Variants in EYS observed in about 807,000 individuals in gnomAD.
EYS encodes EGF-like photoreceptor maintenance factor.
Under a neutral mutation model 282.1 loss-of-function variants are expected in EYS, and 250 were observed. The observed-to-expected ratio is 0.89, with a 90% confidence interval of 0.80 to 0.98. EYS has a LOEUF of 0.98. Among genes scored for constraint, EYS ranks in the 50% least tolerant of loss-of-function variants. The probability of loss-of-function intolerance (pLI) is 0.00; values close to 1 mark genes in which losing one functional copy is unlikely to be tolerated. For synonymous variants in EYS, 1,355 were observed against 1,282.9 expected, an observed-to-expected ratio of 1.06 and a Z score of -1.20; for missense variants, 4,016 against 3,709.0, an observed-to-expected ratio of 1.08 and a Z score of -2.15.
chr6:64,830,634 G>A (rs1253896473), intron 19 of EYS, among the ~76,000 whole-genome samples: 1 of 151,848 alleles, frequency 6.6e-6, no homozygotes, highest in African/African-American at 2.4e-5. Flanking sequence ...GATCAACTTT[G>A]GTGACAGAAA....
rs187604300 is a variant in EYS, at chr6:65,655,290, T to A, written c.-447-15398A>T. Among the ~76,000 whole-genome samples the A allele has an allele frequency of 1.5e-3, 231 of 151,762 alleles. 1 individual carries two copies. Among genetic ancestry groups the A allele is most frequent in the African/African-American group, 5.5e-3 (230 of 41,478 alleles). ...TCACCACTTAAGTGTGAGATGCATA[T>A]AGTGACTTCCTTCTAAAGAATATAG... On this transcript the variant is annotated intron_variant, in intron 1 of 42. Transcript: ENST00000503581.
chr6:64,005,481 T>C (rs188285354), intron 33 of EYS, among the ~76,000 whole-genome samples: 1 of 152,244 alleles, frequency 6.6e-6, no homozygotes, highest in Admixed American at 6.5e-5. Flanking sequence ...AATTAGGTCT[T>C]ATTTGTCAAG....
At chr6:64,065,162 C>T (rs1771319825) in intron 33 of EYS, among the ~76,000 whole-genome samples, 1 of 152,072 alleles carries the variant, frequency 6.6e-6, no homozygotes, top group African/African-American at 2.4e-5. Flanking sequence ...CCATCTCTGC[C>T]TGTAAGAAGT....
intron 36 of EYS, among the ~76,000 whole-genome samples, chr6:63,861,506 G>C (rs562458629): frequency 2.0e-5 from 3 of 152,258 alleles, no homozygotes; most frequent in Middle Eastern, 3.4e-3. Flanking sequence ...GTTTCCTAAG[G>C]CATCTGGAAA....
At chr6:64,342,366 C>G (rs749050747) in intron 29 of EYS, among the ~76,000 whole-genome samples, 10 of 151,876 alleles carry the variant, frequency 6.6e-5, no homozygotes, top group Non-Finnish European at 1.2e-4. Flanking sequence ...CAGCTGATCT[C>G]TCCACAGAAA....
At chr6:64,885,790 C>G (rs1450360739) in intron 19 of EYS, among the ~76,000 whole-genome samples, 1 of 151,734 alleles carries the variant, frequency 6.6e-6, no homozygotes, top group Non-Finnish European at 1.5e-5. Context: ...ACGTAACTTT[C>G]TCTCACCTTT....
intron 19 of EYS, among the ~76,000 whole-genome samples, chr6:64,832,732 A>G (rs1765261917): frequency 6.6e-6 from 1 of 151,976 alleles, no homozygotes; most frequent in Non-Finnish European, 1.5e-5. Flanking sequence ...AAATTAGTCA[A>G]GATGCACATA....
chr6:64,341,263 T>C (rs575112322), intron 29 of EYS, among the ~76,000 whole-genome samples: 3 of 151,796 alleles, frequency 2.0e-5, no homozygotes, highest in East Asian at 3.9e-4. Context: ...ATATGTTCAT[T>C]GTCACAATAG....
intron 11 of EYS, among the ~76,000 whole-genome samples, chr6:65,324,636 G>T (rs889165806): frequency 5.3e-5 from 8 of 152,148 alleles, no homozygotes; most frequent in Non-Finnish European, 1.2e-4. Flanking sequence ...TAGAGAAAAT[G>T]GTACCTATAA....
chr6:65,294,361 A>G (rs929322805), intron 12 of EYS, among the ~76,000 whole-genome samples: 4 of 151,968 alleles, frequency 2.6e-5, no homozygotes, highest in African/African-American at 9.7e-5. Context: ...AAAAGACACA[A>G]TAGAAAATAC....
At chr6:64,380,695 C>A (rs1772713446) in intron 29 of EYS, among the ~76,000 whole-genome samples, 1 of 152,042 alleles carries the variant, frequency 6.6e-6, no homozygotes, top group Non-Finnish European at 1.5e-5. Context: ...AATTTTAGCA[C>A]TGATTGTTAT....
chr6:65,212,182 A>G (rs954794367), intron 12 of EYS, among the ~76,000 whole-genome samples: 5 of 152,118 alleles, frequency 3.3e-5, no homozygotes, highest in African/African-American at 4.8e-5. Context: ...ATGGATGGAG[A>G]TGGGAATTTT....
chr6:65,137,229 T>C (rs552798586), intron 12 of EYS, among the ~76,000 whole-genome samples: 59 of 152,200 alleles, frequency 3.9e-4, no homozygotes, highest in African/African-American at 1.4e-3. Flanking sequence ...AGAAATTCAC[T>C]CTAGTTTCTC....
rs531859229 is a variant in EYS, at chr6:63,813,758, TCTTC to T, written c.7229-7390_7229-7387del. ...TGAGCTAGTGAAAATCCAATTCAGT[TCTTC>T]CTTCTCTATGATGTATTTTAATGAA... On this transcript the variant is annotated intron_variant, in intron 36 of 42. Coordinates refer to ENST00000503581, the MANE Select transcript of EYS (RefSeq NM_001142800.2). Among the ~76,000 whole-genome samples, 31 of 152,206 alleles carry T rather than the reference TCTTC, an allele frequency of 2.0e-4. No individual in the cohort carries two copies. The East Asian group carries it at 5.8e-3, about 29-fold the overall frequency.
At chr6:65,418,688 T>C (rs1242158239) in intron 5 of EYS, among the ~76,000 whole-genome samples, 1 of 151,734 alleles carries the variant, frequency 6.6e-6, no homozygotes, top group African/African-American at 2.4e-5. Flanking sequence ...TGAGAACACA[T>C]GGAAACAGAG....
At chr6:63,813,826 T>C (rs1771109894) in intron 36 of EYS, among the ~76,000 whole-genome samples, 1 of 152,190 alleles carries the variant, frequency 6.6e-6, no homozygotes, top group Non-Finnish European at 1.5e-5. Flanking sequence ...TGGAAACTGC[T>C]GATTTTGAAA....
Position 64,800,713 on chromosome 6 carries a change from A to G in EYS, c.3443+12665T>C, listed in dbSNP as rs542129306. Among the ~76,000 whole-genome samples the G allele has an allele frequency of 5.3e-5, 8 of 152,146 alleles. No homozygotes were observed. In the East Asian group the frequency reaches 1.4e-3, roughly 26 times the overall value. ...AAAGTAAAATACCATATAATTCCAT[A>G]CACTGACATTAGCTTTTTTACGTTT... On this transcript the variant is annotated intron_variant, in intron 22 of 42. Coordinates refer to ENST00000503581, the MANE Select transcript of EYS (RefSeq NM_001142800.2).
chr6:64,110,786 A>G (rs1582283398), intron 31 of EYS, among the ~76,000 whole-genome samples: 1 of 151,982 alleles, frequency 6.6e-6, no homozygotes, highest in Non-Finnish European at 1.5e-5. Context: ...GAGTCTAAAA[A>G]AGGCAGACAG....
chr6:63,826,035 T>C (rs1481313780), intron 36 of EYS, among the ~76,000 whole-genome samples: 1 of 152,136 alleles, frequency 6.6e-6, no homozygotes, highest in South Asian at 2.1e-4. Context: ...AGGAAATAGA[T>C]AGCTTAAAGC....
Sources: allele counts gnomAD v4.1 joint callset (sites outside exome capture counted in the v4.1 genomes callset), GRCh38; gene constraint gnomAD v4.1.1; transcripts MANE v1.5; gene names NCBI Gene and HGNC (gene_info 2026-07-23, HGNC 2026-07-21).